TM2D1: variants seen among roughly 807,000 people sequenced by gnomAD.
TM2D1 encodes the protein TM2 domain-containing protein 1.
A neutral mutation model predicts 28.4 loss-of-function variants in TM2D1; 15 were observed. The ratio of observed to expected loss-of-function variants is 0.53; its 90% CI spans 0.35 to 0.81. The LOEUF (loss-of-function observed/expected upper bound fraction) is 0.81. Ranked by LOEUF, TM2D1 falls within the 40% of genes least tolerant of loss-of-function variation. The pLI, the probability that TM2D1 is intolerant of heterozygous loss-of-function variation, is 0.01. For missense variants in TM2D1, 236 were observed against 254.9 expected, an observed-to-expected ratio of 0.93 and a Z score of 0.50; for synonymous variants, 93 against 96.2, an observed-to-expected ratio of 0.97 and a Z score of 0.20.
At chr1:61,712,607 C>T (rs1275752504) in intron 2 of TM2D1, among the ~76,000 whole-genome samples, 2 of 151,988 alleles carry the variant, frequency 1.3e-5, no homozygotes, top group Non-Finnish European at 2.9e-5. Flanking sequence ...GATGGGGTTT[C>T]ACCATGTTGG....
At chr1:61,693,479 A>T (rs914212864) in intron 5 of TM2D1, among the ~76,000 whole-genome samples, 1 of 152,210 alleles carries the variant, frequency 6.6e-6, no homozygotes, top group Non-Finnish European at 1.5e-5. Context: ...TGAAAGTGAG[A>T]AGCTCATTTC....
intron 5 of TM2D1, among the ~76,000 whole-genome samples, chr1:61,691,930 A>ATATATATATATAT: frequency 2.1e-5 from 1 of 47,546 alleles, no homozygotes; most frequent in Non-Finnish European, 4.8e-5. Flanking sequence ...TTAAAAAAAA[A>ATATATATATATAT]AAATATATAT....
At chr1:61,688,040 TAC>T (rs1463629411) in intron 5 of TM2D1, among the ~76,000 whole-genome samples, 6 of 152,362 alleles carry the variant, frequency 3.9e-5, no homozygotes, top group African/African-American at 1.4e-4. Context: ...TCAAAATTCC[TAC>T]ACAGTGCCAG....
At chr1:61,700,215 A>G (rs1043853077) in intron 4 of TM2D1, 18 of 1,535,876 alleles carry the variant, frequency 1.2e-5, no homozygotes, top group Admixed American at 2.1e-5. Context: ...ATGTCACAGA[A>G]TAAAGGAAAG....
intron 5 of TM2D1, among the ~76,000 whole-genome samples, chr1:61,685,634 A>G (rs945215997): frequency 1.3e-5 from 2 of 152,142 alleles, no homozygotes; most frequent in Non-Finnish European, 2.9e-5. Flanking sequence ...GTACTTACAA[A>G]GCACATGTGT....
intron 4 of TM2D1, among the ~76,000 whole-genome samples, chr1:61,697,165 A>G (rs1308014163): frequency 2.0e-5 from 3 of 152,118 alleles, no homozygotes; most frequent in African/African-American, 7.2e-5. Context: ...CTTTGCCTTA[A>G]ATTTCTAGAA....
At position 61,723,626 on chromosome 1, in the gene TM2D1, T is replaced by G. The variant is rs373161496; in HGVS notation, c.238+87A>C. The G allele has an allele frequency of 6.3e-6, 4 of 630,318 alleles. No individual in the cohort carries two copies. In the African/African-American group the frequency reaches 7.5e-5, roughly 12 times the overall value. The allele number at this position is 630,318 out of a possible 1,614,324, so 39.0% of individuals were successfully genotyped here. ...ATGTTATCATTTAGAAAAAATGCAT[T>G]TATTAATTGCCTTTAGTGATCATAC... On this transcript the variant is annotated intron_variant, in intron 2 of 6. Coordinates refer to ENST00000606498, the MANE Select transcript of TM2D1 (RefSeq NM_032027.3).
intron 5 of TM2D1, among the ~76,000 whole-genome samples, chr1:61,686,053 A>G (rs1322375887): frequency 2.0e-5 from 3 of 152,128 alleles, no homozygotes; most frequent in Non-Finnish European, 4.4e-5. Context: ...ACTAAACTGA[A>G]AGGAAAACTT....
At chr1:61,703,141 G>C (rs1193542355) in intron 3 of TM2D1, among the ~76,000 whole-genome samples, 1 of 151,296 alleles carries the variant, frequency 6.6e-6, no homozygotes, top group Non-Finnish European at 1.5e-5. Context: ...AAAAAACAAA[G>C]GGAGAGCTGG....
At chr1:61,684,129 A>AT (rs775939336) in intron 5 of TM2D1, among the ~76,000 whole-genome samples, 1 of 152,318 alleles carries the variant, frequency 6.6e-6, no homozygotes, top group Non-Finnish European at 1.5e-5. Context: ...GTAGAAAAAA[A>AT]CAACACATGT....
rs767181154 is a variant in TM2D1 at position 61,692,024 on chromosome 1, CATAT to C, written c.513+2669_513+2672del. Among the ~76,000 whole-genome samples, 3 of 132,506 alleles carry C rather than the reference CATAT, an allele frequency of 2.3e-5. No homozygotes were observed. The Admixed American group carries it at 2.4e-4, about 11-fold the overall frequency. The allele number at this position is 132,506 out of a possible 152,430, so 86.9% of individuals were successfully genotyped here. On this transcript the variant is annotated intron_variant, in intron 5 of 6. Transcript: ENST00000606498. The stretch of plus-strand genomic sequence containing the variant: ...TATTCAAAACTACCTTATGAATAAC[CATAT>C]ATATATATATAGTAGTTATATATAC...
intron 4 of TM2D1, chr1:61,696,381 A>C (rs1644362784): frequency 6.6e-6 from 1 of 152,236 alleles, no homozygotes; most frequent in Admixed American, 6.5e-5. Context: ...TCTACTAAAA[A>C]TACAAAAATT....
chr1:61,709,257 T>A, intron 3 of TM2D1, 72 bp downstream of exon 3: 1 of 900,858 alleles, frequency 1.1e-6, no homozygotes, highest in East Asian at 2.5e-5. Context: ...ATAAATTATC[T>A]CCTCTCTTCA....
intron 1 of TM2D1, 118 bp downstream of exon 1, chr1:61,724,839 C>G (rs1348260122): frequency 5.2e-6 from 6 of 1,156,654 alleles, no homozygotes; most frequent in East Asian, 5.3e-5. Flanking sequence ...CATTAGAAGC[C>G]ACAGATCAGA....
chr1:61,688,729 G>A (rs190233569), intron 5 of TM2D1, among the ~76,000 whole-genome samples: 1 of 131,526 alleles, frequency 7.6e-6, no homozygotes, highest in Non-Finnish European at 1.6e-5. Flanking sequence ...TCCCCCCACC[G>A]CCCCCCGCCA....
intron 5 of TM2D1, among the ~76,000 whole-genome samples, chr1:61,691,895 A>G (rs1342204305): frequency 7.0e-6 from 1 of 142,574 alleles, no homozygotes; most frequent in African/African-American, 2.6e-5. Context: ...AGCCTGGGCG[A>G]CGAAAACTCC....
intron 5 of TM2D1, among the ~76,000 whole-genome samples, chr1:61,688,539 A>G (rs532582238): frequency 2.0e-5 from 3 of 152,308 alleles, no homozygotes; most frequent in Admixed American, 1.3e-4. Context: ...CCTGGCCAAC[A>G]TGGTGAAATC....
intron 2 of TM2D1, among the ~76,000 whole-genome samples, chr1:61,715,492 A>G (rs1310038333): frequency 6.6e-6 from 1 of 151,712 alleles, no homozygotes; most frequent in Non-Finnish European, 1.5e-5. Flanking sequence ...TACTAAAAAT[A>G]CACAAATTAG....
intron 1 of TM2D1, among the ~76,000 whole-genome samples, 187 bp from the exon 2 acceptor site, chr1:61,723,973 T>G (rs1644586533): frequency 6.6e-6 from 1 of 152,126 alleles, no homozygotes; most frequent in Admixed American, 6.6e-5. Flanking sequence ...GGCAGGAGGA[T>G]CACTGGAGCC....
Sources: gnomAD v4.1 joint callset for allele counts (sites outside exome capture counted in the v4.1 genomes callset) on GRCh38, gnomAD v4.1.1 for gene constraint, MANE v1.5 for transcripts, NCBI Gene and HGNC (gene_info 2026-07-23, HGNC 2026-07-21) for gene names.